MARS1: variants seen among roughly 807,000 people sequenced by gnomAD.
The protein encoded by MARS1 is methionyl-tRNA synthetase 1.
Under a neutral mutation model 119.5 loss-of-function variants are expected in MARS1, and 80 were observed. The ratio of observed to expected loss-of-function variants is 0.67; its 90% CI spans 0.56 to 0.81. The LOEUF (loss-of-function observed/expected upper bound fraction) is 0.81. MARS1 is among the 30% of genes least tolerant of loss of function. The probability of loss-of-function intolerance (pLI) is 0.00; values close to 1 mark genes in which losing one functional copy is unlikely to be tolerated. For synonymous variants in MARS1, 418 were observed against 433.4 expected, an observed-to-expected ratio of 0.96 and a Z score of 0.44; for missense variants, 945 against 1,116.5, an observed-to-expected ratio of 0.85 and a Z score of 2.19.
intron 2 of MARS1, 54 bp from the exon 3 acceptor site, chr12:57,489,213 A>G: frequency 6.2e-7 from 1 of 1,603,034 alleles, no homozygotes; most frequent in East Asian, 2.2e-5. Context: ...GTGATGAGAA[A>G]TGGGCTAAAT....
chr12:57,512,253 C>T lies in MARS1; in HGVS notation c.1653C>T (p.Phe551=). 6.2e-7 allele frequency: 1 copy of T among 1,614,080 alleles called. No homozygotes were observed. The highest frequency in any genetic ancestry group is 8.5e-7 in the Non-Finnish European group (1 of 1,179,946). Residue 551 remains phenylalanine, a synonymous_variant, in exon 14 of 21, where the codon TTC becomes TTT. Coordinates refer to ENST00000262027, the MANE Select transcript of MARS1 (RefSeq NM_004990.4). ...KNPEQVDLYQ[F]MAKDNVPFHS... is the part of the protein sequence containing the mutation. ...TCCCCTAGGTGGACCTGTATCAGTT[C>T]ATGGCCAAAGACAATGTTCCTTTCC...
intron 1 of MARS1, 55 bp downstream of exon 1, chr12:57,488,254 C>T: frequency 1.3e-6 from 2 of 1,519,288 alleles, no homozygotes; most frequent in Non-Finnish European, 1.8e-6. Context: ...CGAAACACGC[C>T]AGATTCTCTG....
At chr12:57,496,727 G>A (rs748678994) in intron 7 of MARS1, among the ~76,000 whole-genome samples, 1 of 151,460 alleles carries the variant, frequency 6.6e-6, no homozygotes, top group Non-Finnish European at 1.5e-5. Context: ...ACAGTGTGCT[G>A]TGTTGTGCCA....
Position 57,488,098 on chromosome 12 carries a change from T to C in MARS1, c.8T>C (p.Leu3Pro). Reference sequence around the variant, plus strand: ...CGAGGGATTCACGGCGAAATGAGACTGTTCGTGAGTGATGGCGTCCCGGGT... The same window carrying C: ...CGAGGGATTCACGGCGAAATGAGACCGTTCGTGAGTGATGGCGTCCCGGGT... MR[L>P]FVSDGVPGCL... Residue 3 changes from leucine (L) to proline (P), a missense_variant, in exon 1 of 21, where the codon CTG becomes CCG. Physicochemically the swap from Leu to Pro is moderately conservative, Grantham distance 98. Coordinates refer to ENST00000262027, the MANE Select transcript of MARS1 (RefSeq NM_004990.4). 1.2e-6 allele frequency: 2 copies of C among 1,614,090 alleles called. No homozygotes were observed. The highest frequency in any genetic ancestry group is 1.7e-6 in the Non-Finnish European group (2 of 1,179,968).
At position 57,511,820 on chromosome 12, in the gene MARS1, A is replaced by G. The variant is rs1246525241; in HGVS notation, c.1491A>G (p.Arg497=). ...RDGLKPRCIT[R]DLKWGTPVPL... ...GCCTCAAGCCACGCTGCATAACCCG[A>G]GACCTCAAATGGGGAACCCCTGTAC... The change falls in exon 12 of 21, where the codon CGA becomes CGG. Residue 497 remains arginine, a synonymous_variant. Coordinates refer to ENST00000262027, the MANE Select transcript of MARS1 (RefSeq NM_004990.4). 2 of 1,614,216 alleles carry G rather than the reference A, an allele frequency of 1.2e-6. No homozygotes were observed. The highest frequency in any genetic ancestry group is 3.3e-5 in the Admixed American group (2 of 60,016).
rs550653429 is a variant in MARS1, at chr12:57,515,813, GTTCT to G, written c.2392-102_2392-99del. The G allele has an allele frequency of 2.8e-4, 234 of 833,420 alleles. No individual in the cohort carries two copies. The South Asian group carries it at 3.7e-3, about 13-fold the overall frequency. 51.6% of individuals were successfully genotyped at this position (833,420 alleles called of 1,614,324 possible). On this transcript the variant is annotated intron_variant, in intron 18 of 20. Coordinates refer to ENST00000262027, the MANE Select transcript of MARS1 (RefSeq NM_004990.4). ...CAGATATTAGCTCAGTGTTAAGCTC[GTTCT>G]TTCTAAAACACATCAGAGATTGGGG...
intron 7 of MARS1, among the ~76,000 whole-genome samples, chr12:57,496,197 T>C (rs535151267): frequency 6.9e-6 from 1 of 143,914 alleles, no homozygotes; most frequent in Admixed American, 7.1e-5. Context: ...TTTTTGAAAC[T>C]GAGTCTCACT....
At chr12:57,503,420 A>C (rs528829550) in intron 10 of MARS1, among the ~76,000 whole-genome samples, 1 of 151,974 alleles carries the variant, frequency 6.6e-6, no homozygotes, top group East Asian at 1.9e-4. Context: ...TTTAGTAGAG[A>C]CGAGGTTTCA....
At chr12:57,500,018 C>G in intron 9 of MARS1, 1 of 362,856 alleles carries the variant, frequency 2.8e-6, no homozygotes, top group Non-Finnish European at 5.3e-6. Context: ...AAAGAACAGG[C>G]ACAGTCCTAT....
chr12:57,496,225 G>A (rs1428537673), intron 7 of MARS1, among the ~76,000 whole-genome samples: 2 of 148,358 alleles, frequency 1.3e-5, no homozygotes, highest in East Asian at 2.0e-4. Flanking sequence ...AGTGAGTGGC[G>A]CAATCTAGGC....
rs138610228 is a variant in MARS1, at chr12:57,499,643, G to A, written c.1092-678G>A. 2.7e-3 allele frequency among the ~76,000 whole-genome samples: 411 copies of A among 151,302 alleles called. 1 individual carries two copies. Among genetic ancestry groups the A allele is most frequent in the African/African-American group, 9.7e-3 (401 of 41,220 alleles). On this transcript the variant is annotated intron_variant, in intron 9 of 20. Coordinates refer to ENST00000262027, the MANE Select transcript of MARS1 (RefSeq NM_004990.4). ...GGGCTGGGCGCAGTGGCTCACGCCTGTAATCTCAGCACTTTGAGAGGCCGA... is the reference window on the plus strand; with the variant it reads ...GGGCTGGGCGCAGTGGCTCACGCCTATAATCTCAGCACTTTGAGAGGCCGA...
chr12:57,488,185 C>G lies in MARS1; in HGVS notation c.95C>G (p.Thr32Ser), dbSNP rs11540809. 1.4e-4 allele frequency: 222 copies of G among 1,613,270 alleles called. No homozygotes were observed. The highest frequency in any genetic ancestry group is 1.8e-4 in the Non-Finnish European group (215 of 1,179,466). Residue 32 changes from threonine to serine, a missense_variant, in exon 1 of 21, where the codon ACT becomes AGT. Transcript: ENST00000262027. Reference sequence around the variant, plus strand: ...GGCAGAGCAGAGGTGCTCATCAGCACTGTAGGCCCGGAAGGTACTCGTGCT... The same window carrying G: ...GGCAGAGCAGAGGTGCTCATCAGCAGTGTAGGCCCGGAAGGTACTCGTGCT... ...ARGRAEVLISTVGPEDCVVPF... is the reference protein window; with the variant it reads ...ARGRAEVLISSVGPEDCVVPF...
intron 13 of MARS1, 47 bp from the exon 14 acceptor site, chr12:57,512,189 C>T (rs763141547): frequency 1.3e-6 from 2 of 1,598,346 alleles, no homozygotes; most frequent in Non-Finnish European, 1.7e-6. Flanking sequence ...CTTCCTTGGG[C>T]CTTTGAAGGA....
chr12:57,509,211 T>C (rs1031145882), intron 11 of MARS1, among the ~76,000 whole-genome samples: 1 of 152,204 alleles, frequency 6.6e-6, no homozygotes, highest in Non-Finnish European at 1.5e-5. Flanking sequence ...TTTTAAACAC[T>C]TCCTTAATTT....
intron 10 of MARS1, among the ~76,000 whole-genome samples, chr12:57,502,741 AAAC>A (rs1229062054): frequency 5.3e-5 from 8 of 149,802 alleles, no homozygotes; most frequent in African/African-American, 7.4e-5. Context: ...AACAAAAAAA[AAAC>A]AAGCCAGGCA....
At chr12:57,503,972 A>T (rs551025377) in intron 10 of MARS1, 1 of 511,850 alleles carries the variant, frequency 2.0e-6, no homozygotes, top group East Asian at 3.5e-5. Flanking sequence ...TACCTAGCCT[A>T]TGTTCAGAGA....
At position 57,514,732 on chromosome 12, in the gene MARS1, T is replaced by G. The variant is rs763359741; in HGVS notation, c.1980T>G (p.Phe660Leu). 1.2e-6 allele frequency: 2 copies of G among 1,614,148 alleles called. No homozygotes were observed. The highest frequency in any genetic ancestry group is 1.7e-6 in the Non-Finnish European group (2 of 1,180,032). The change falls in exon 16 of 21, where the codon TTT becomes TTG. Residue 660 changes from phenylalanine (F) to leucine (L), a missense_variant. Phe to Leu is a conservative substitution (Grantham distance 22). Transcript: ENST00000262027. ...ACTCCCAACCAAGAGCTGGGATGTT[T>G]GTGTCTAAGTTCTTTGGGGGCTATG... ...LGNFINRAGMFVSKFFGGYVP... is the reference protein window; with the variant it reads ...LGNFINRAGMLVSKFFGGYVP...
intron 7 of MARS1, among the ~76,000 whole-genome samples, chr12:57,495,558 G>A (rs1876573497): frequency 6.6e-6 from 1 of 151,538 alleles, no homozygotes; most frequent in East Asian, 1.9e-4. Context: ...CCCAGACGAT[G>A]GGCAGCCAGG....
In MARS1 at chr12:57,489,273, T is replaced by A. The variant is rs751959718; in HGVS notation, c.207T>A (p.Phe69Leu). ...LFSTSAICRYFFLLSGWEQDD... is the reference protein window; with the variant it reads ...LFSTSAICRYLFLLSGWEQDD... ...TTGCTCTCTCTCTGGGCAGATATTTTTTTTTGTTATCTGGCTGGGAGCAAG... is the reference window on the plus strand; with the variant it reads ...TTGCTCTCTCTCTGGGCAGATATTTATTTTTGTTATCTGGCTGGGAGCAAG... Residue 69 changes from phenylalanine (F) to leucine (L), a missense_variant, in exon 3 of 21, where the codon TTT becomes TTA. Physicochemically the swap from Phe to Leu is conservative, Grantham distance 22 (BLOSUM62 0). Coordinates refer to ENST00000262027, the MANE Select transcript of MARS1 (RefSeq NM_004990.4). The A allele has an allele frequency of 1.2e-6, 2 of 1,613,846 alleles. No individual in the cohort carries two copies. The highest frequency in any genetic ancestry group is 1.7e-6 in the Non-Finnish European group (2 of 1,180,042).
Sources: gnomAD v4.1 joint callset for allele counts (sites outside exome capture counted in the v4.1 genomes callset) on GRCh38, gnomAD v4.1.1 for gene constraint, MANE v1.5 for transcripts, NCBI Gene and HGNC (gene_info 2026-07-23, HGNC 2026-07-21) for gene names.